The following MARK3 variants were observed in gnomAD, a reference collection of about 807,000 sequenced individuals.
MARK3 encodes the protein microtubule affinity regulating kinase 3.
In MARK3, 46 loss-of-function variants were observed where a neutral mutation model predicts 90.1. The observed-to-expected ratio is 0.51, with a 90% CI of 0.40 to 0.65. MARK3 has a LOEUF of 0.65. Ranked by LOEUF, MARK3 falls within the 30% of genes least tolerant of loss-of-function variation. The pLI is 0.00. For missense variants in MARK3, 818 were observed against 947.2 expected (o/e 0.86, Z 1.79); for synonymous variants, 321 against 332.6 (o/e 0.97, Z 0.38).
intron 5 of MARK3, among the ~76,000 whole-genome samples, chr14:103,455,979 T>G (rs2093269779): frequency 6.6e-6 from 1 of 152,236 alleles, no homozygotes; most frequent in Non-Finnish European, 1.5e-5. Flanking sequence ...TTTTCTAAAT[T>G]AGTATTCTTT....
At chr14:103,418,565 C>A (rs1424490504) in intron 2 of MARK3, among the ~76,000 whole-genome samples, 1 of 152,074 alleles carries the variant, frequency 6.6e-6, no homozygotes, top group Admixed American at 6.6e-5. Context: ...CTGATGATCC[C>A]ACCCCTCAGT....
chr14:103,401,828 T>G (rs1025491864), intron 1 of MARK3, among the ~76,000 whole-genome samples: 1 of 152,078 alleles, frequency 6.6e-6, no homozygotes, highest in African/African-American at 2.4e-5. Flanking sequence ...TAAGGAGAAG[T>G]AAGAAATTCT....
chr14:103,392,430 C>T (rs558085375), intron 1 of MARK3, among the ~76,000 whole-genome samples: 53 of 152,118 alleles, frequency 3.5e-4, no homozygotes, highest in Non-Finnish European at 6.8e-4. Flanking sequence ...TGATTTTACC[C>T]GTAGAATTGG....
At chr14:103,416,050 A>G (rs989831031) in intron 2 of MARK3, among the ~76,000 whole-genome samples, 2 of 152,138 alleles carry the variant, frequency 1.3e-5, no homozygotes, top group Non-Finnish European at 1.5e-5. Context: ...AGCTTTGGCT[A>G]TGATCATTTA....
At chr14:103,491,742 A>G (rs2094019925) in intron 14 of MARK3, 35 bp from the exon 15 acceptor site, 1 of 1,604,276 alleles carries the variant, frequency 6.2e-7, no homozygotes, top group South Asian at 1.1e-5. Context: ...TTTGTATATC[A>G]TGTTCTGAGA....
At chr14:103,484,204 G>T (rs1408929586) in intron 14 of MARK3, among the ~76,000 whole-genome samples, 13 of 149,126 alleles carry the variant, frequency 8.7e-5, no homozygotes, top group African/African-American at 2.7e-4. Context: ...CTGCGATGGA[G>T]TCTCGCTCTT....
In MARK3 at chr14:103,502,895, G is replaced by A; in HGVS notation, c.1930G>A (p.Ala644Thr). The A allele has an allele frequency of 6.2e-7, 1 of 1,611,332 alleles. No individual in the cohort carries two copies. Among genetic ancestry groups the A allele is most frequent in the Non-Finnish European group, 8.5e-7 (1 of 1,177,718 alleles). The change falls in exon 18 of 18, where the codon GCT (alanine) becomes ACT (threonine). Residue 644 changes from alanine (A) to threonine (T), a missense_variant. Transcript: ENST00000429436. ...TATGCATTTCAGTCGCAATGTATCT[G>A]CTGAGCAAAAAGATGAAAACAAAGA... ...RYEGSSRNVS[A>T]EQKDENKEAK...
At chr14:103,463,208 T>C (rs1324330627) in intron 7 of MARK3, among the ~76,000 whole-genome samples, 1 of 151,956 alleles carries the variant, frequency 6.6e-6, no homozygotes, top group African/African-American at 2.4e-5. Flanking sequence ...GCTTTTTCTC[T>C]CTTCCCTTTC....
chr14:103,484,345 T>A (rs1301855583), intron 14 of MARK3, among the ~76,000 whole-genome samples: 1 of 152,016 alleles, frequency 6.6e-6, no homozygotes, highest in African/African-American at 2.4e-5. Flanking sequence ...CCTGGCTGAT[T>A]TTTGTATTTT....
At position 103,491,888 on chromosome 14, in the gene MARK3, C is replaced by T. The variant is rs1228145777; in HGVS notation, c.1698C>T (p.His566=). 1.2e-6 allele frequency: 2 copies of T among 1,614,078 alleles called. No individual in the cohort carries two copies. Among genetic ancestry groups the T allele is most frequent in the Non-Finnish European group, 1.7e-6 (2 of 1,180,034 alleles). Residue 566 remains histidine, a synonymous_variant, in exon 15 of 18, where the codon CAC becomes CAT. Coordinates refer to ENST00000429436, the MANE Select transcript of MARK3 (RefSeq NM_001128918.3). ...PRGTASRSTF[H]GQPRERRTAT... ...GCACTGCCAGTCGTAGCACTTTCCA[C>T]GGCCAGCCCCGGGAACGGCGAACCG...
chr14:103,467,315 G>C (rs1270356198), intron 11 of MARK3, 124 bp downstream of exon 11: 2 of 525,426 alleles, frequency 3.8e-6, no homozygotes. Context: ...AGATTTACTT[G>C]CAAATAGCAA....
intron 5 of MARK3, among the ~76,000 whole-genome samples, chr14:103,456,536 G>T (rs768874872): frequency 6.6e-6 from 1 of 152,168 alleles, no homozygotes; most frequent in Non-Finnish European, 1.5e-5. Context: ...AAACACAAGG[G>T]TGTGCACACA....
intron 7 of MARK3, among the ~76,000 whole-genome samples, chr14:103,464,304 T>C (rs1381881710): frequency 7.0e-6 from 1 of 141,890 alleles, no homozygotes; most frequent in Non-Finnish European, 1.5e-5. Context: ...TTTTTTTTTT[T>C]TTTTTTTTTT....
intron 2 of MARK3, among the ~76,000 whole-genome samples, chr14:103,418,409 G>A (rs1403937444): frequency 6.6e-6 from 1 of 152,066 alleles, no homozygotes; most frequent in Admixed American, 6.6e-5. Flanking sequence ...AGCTGTGTTT[G>A]TATGAATAGG....
chr14:103,479,594 C>T (rs1045424654), intron 13 of MARK3, among the ~76,000 whole-genome samples: 13 of 139,302 alleles, frequency 9.3e-5, no homozygotes, highest in Non-Finnish European at 1.6e-4. Flanking sequence ...TGATATTGGG[C>T]ATCTTTTCAT....
At chr14:103,460,709 A>G (rs991584334) in intron 6 of MARK3, among the ~76,000 whole-genome samples, 1 of 152,222 alleles carries the variant, frequency 6.6e-6, no homozygotes, top group African/African-American at 2.4e-5. Context: ...TGTAAGAGAA[A>G]TCTCAATATG....
In MARK3 at chr14:103,396,195, T is replaced by C. The variant is rs572603866; in HGVS notation, c.52-8881T>C. ...CCCGGGGGTCTGTTATTTAACAGAC[T>C]GATAGATCTTCTTGTTTCAGGCTTA... On this transcript the variant is annotated intron_variant, in intron 1 of 17. Coordinates refer to ENST00000429436, the MANE Select transcript of MARK3 (RefSeq NM_001128918.3). Among the ~76,000 whole-genome samples, 25 of 152,256 alleles carry C rather than the reference T, an allele frequency of 1.6e-4. No individual in the cohort carries two copies. In the South Asian group the frequency reaches 4.1e-3, roughly 25 times the overall value.
At position 103,466,393 on chromosome 14, in the gene MARK3, C is replaced by G; in HGVS notation, c.948C>G (p.Leu316=). 6.2e-7 allele frequency: 1 copy of G among 1,613,974 alleles called. No homozygotes were observed. Among genetic ancestry groups the G allele is most frequent in the Non-Finnish European group, 8.5e-7 (1 of 1,179,912 alleles). Residue 316 remains leucine (L), a synonymous_variant, in exon 10 of 18, where the codon CTC becomes CTG. Coordinates refer to ENST00000429436, the MANE Select transcript of MARK3 (RefSeq NM_001128918.3). The part of the protein sequence containing the change: ...WINAGHEEDE[L]KPFVEPELDI... ...ATGCAGGGCATGAAGAAGATGAACT[C>G]AAACCATTTGTTGAACCAGAGCTAG... is the stretch of plus-strand genomic sequence containing the variant.
chr14:103,448,474 T>G (rs1327683243), intron 3 of MARK3, among the ~76,000 whole-genome samples: 1 of 152,230 alleles, frequency 6.6e-6, no homozygotes, highest in Non-Finnish European at 1.5e-5. Context: ...GTTCATAGTC[T>G]TCTAATAGAA....
Sources: gnomAD v4.1 joint callset for allele counts (sites outside exome capture counted in the v4.1 genomes callset) on GRCh38, gnomAD v4.1.1 for gene constraint, MANE v1.5 for transcripts, NCBI Gene and HGNC (gene_info 2026-07-23, HGNC 2026-07-21) for gene names.